The following CNTN1 variants were observed in gnomAD, a reference collection of about 807,000 sequenced individuals.
CNTN1 encodes contactin 1.
A neutral mutation model predicts 126.4 loss-of-function variants in CNTN1; 38 were observed. The observed-to-expected ratio is 0.30, with a 90% CI of 0.23 to 0.39. The LOEUF (loss-of-function observed/expected upper bound fraction) is 0.39, where lower values mean the gene tolerates loss of function less well. Ranked by LOEUF, CNTN1 falls within the 10% of genes least tolerant of loss-of-function variation. CNTN1 has a pLI of 1.00. For synonymous variants in CNTN1, 413 were observed against 422.6 expected (o/e 0.98, Z 0.28); for missense variants, 1,009 against 1,248.4 (o/e 0.81, Z 2.89).
Position 40,910,201 on chromosome 12 carries a change from C to A in CNTN1, c.94+96C>A, listed in dbSNP as rs1238348536. On this transcript the variant is annotated intron_variant, in intron 3 of 23. Transcript: ENST00000551295. The stretch of plus-strand genomic sequence containing the variant: ...ACTATTAACTCTCTAAACTTTAAGG[C>A]AAATGGTTAATGTTAGATCACTATG... 8 of 980,126 alleles carry A rather than the reference C, an allele frequency of 8.2e-6. 1 individual carries two copies. In the South Asian group the frequency reaches 9.5e-5, roughly 12 times the overall value. 60.7% of individuals were successfully genotyped at this position (980,126 alleles called of 1,614,324 possible).
At chr12:40,819,102 G>A (rs1941356433) in intron 1 of CNTN1, among the ~76,000 whole-genome samples, 1 of 152,190 alleles carries the variant, frequency 6.6e-6, no homozygotes, top group African/African-American at 2.4e-5. Context: ...GCTGATGTTA[G>A]TAGGATCGCT....
At chr12:40,840,461 T>C (rs560386535) in intron 1 of CNTN1, among the ~76,000 whole-genome samples, 2 of 152,084 alleles carry the variant, frequency 1.3e-5, no homozygotes, top group African/African-American at 4.8e-5. Context: ...CAAAGAAACA[T>C]TGGATTTAAA....
intron 15 of CNTN1, among the ~76,000 whole-genome samples, chr12:40,965,972 C>T (rs1402474334): frequency 1.3e-5 from 2 of 149,844 alleles, no homozygotes; most frequent in African/African-American, 2.5e-5. Flanking sequence ...GTTAAACAGG[C>T]GTGTAAGTAT....
At chr12:40,791,181 T>A (rs887257084) in intron 1 of CNTN1, among the ~76,000 whole-genome samples, 1 of 152,164 alleles carries the variant, frequency 6.6e-6, no homozygotes, top group African/African-American at 2.4e-5. Flanking sequence ...GTTCATCAAC[T>A]TTTTTTGTTT....
intron 1 of CNTN1, among the ~76,000 whole-genome samples, chr12:40,767,550 C>T (rs1473469781): frequency 2.0e-5 from 3 of 151,900 alleles, no homozygotes; most frequent in Non-Finnish European, 4.4e-5. Flanking sequence ...CCTCTTGATC[C>T]GCCCGCCTTG....
At chr12:41,025,369 A>G in intron 21 of CNTN1, 33 bp downstream of exon 21, 2 of 1,598,650 alleles carry the variant, frequency 1.3e-6, no homozygotes, top group Non-Finnish European at 1.7e-6. Context: ...AGACTTGTCA[A>G]AAACTACCAC....
intron 1 of CNTN1, among the ~76,000 whole-genome samples, chr12:40,870,812 T>C (rs1943461493): frequency 6.6e-6 from 1 of 152,134 alleles, no homozygotes; most frequent in Non-Finnish European, 1.5e-5. Flanking sequence ...CTTATTATCG[T>C]TGAGCTTGGC....
chr12:40,767,851 T>C (rs1353479876), intron 1 of CNTN1, among the ~76,000 whole-genome samples: 1 of 152,206 alleles, frequency 6.6e-6, no homozygotes, highest in Admixed American at 6.5e-5. Context: ...AGTGTTTTCC[T>C]TAAACAATTG....
At chr12:40,936,936 G>A (rs755620781) in intron 10 of CNTN1, 31 bp downstream of exon 10, 6 of 1,611,238 alleles carry the variant, frequency 3.7e-6, no homozygotes, top group Non-Finnish European at 5.1e-6. Context: ...TGCTGTTCCT[G>A]AGTCCCTGTT....
intron 1 of CNTN1, among the ~76,000 whole-genome samples, chr12:40,713,678 A>G (rs943164861): frequency 6.6e-6 from 1 of 152,070 alleles, no homozygotes; most frequent in African/African-American, 2.4e-5. Context: ...CTATCATGTT[A>G]AAAATATGCC....
chr12:40,830,434 A>T (rs1460228271), intron 1 of CNTN1, among the ~76,000 whole-genome samples: 1 of 151,930 alleles, frequency 6.6e-6, no homozygotes, highest in African/African-American at 2.4e-5. Context: ...AATATATATT[A>T]AAAAGGAAAC....
intron 20 of CNTN1, among the ~76,000 whole-genome samples, chr12:41,021,584 C>T (rs1019522493): frequency 1.3e-5 from 2 of 150,848 alleles, no homozygotes; most frequent in Non-Finnish European, 2.9e-5. Context: ...TGAGATGTAG[C>T]TGTAAAAGAA....
chr12:40,696,741 C>T (rs1941460926), intron 1 of CNTN1, among the ~76,000 whole-genome samples: 1 of 152,092 alleles, frequency 6.6e-6, no homozygotes, highest in Admixed American at 6.5e-5. Context: ...AAAAGTCTAT[C>T]TATTTAATAT....
intron 1 of CNTN1, among the ~76,000 whole-genome samples, chr12:40,833,099 A>G (rs889280393): frequency 1.8e-4 from 27 of 151,872 alleles, no homozygotes; most frequent in Admixed American, 1.1e-3. Flanking sequence ...TCTGTCGCCC[A>G]GGCTGGAGTC....
chr12:40,808,748 T>G (rs770295204), intron 1 of CNTN1, among the ~76,000 whole-genome samples: 3 of 152,294 alleles, frequency 2.0e-5, no homozygotes, highest in Non-Finnish European at 4.4e-5. Context: ...GATTGGGTTT[T>G]GACTCACAGC....
chr12:40,801,732 A>G (rs892511583), intron 1 of CNTN1, among the ~76,000 whole-genome samples: 29 of 151,864 alleles, frequency 1.9e-4, no homozygotes, highest in Admixed American at 7.9e-4. Context: ...TTTATGCCAT[A>G]TTGAAGATTT....
intron 23 of CNTN1, among the ~76,000 whole-genome samples, chr12:41,057,033 AT>A (rs1161710507): frequency 1.4e-5 from 1 of 69,432 alleles, no homozygotes; most frequent in Non-Finnish European, 2.9e-5. Flanking sequence ...ATTTATAAAT[AT>A]TATAAATATT....
chr12:40,942,192 A>T (rs1946284129), intron 12 of CNTN1, among the ~76,000 whole-genome samples: 1 of 152,226 alleles, frequency 6.6e-6, no homozygotes, highest in Admixed American at 6.6e-5. Context: ...TAGTGAGAAA[A>T]AGTGTGACCC....
chr12:40,957,144 T>C (rs1330622216), intron 14 of CNTN1, among the ~76,000 whole-genome samples: 3 of 151,696 alleles, frequency 2.0e-5, no homozygotes, highest in Non-Finnish European at 2.9e-5. Context: ...TGAGAATTGA[T>C]TGAAGAGTAA....
Sources: gnomAD v4.1 joint callset for allele counts (sites outside exome capture counted in the v4.1 genomes callset) on GRCh38, gnomAD v4.1.1 for gene constraint, MANE v1.5 for transcripts, NCBI Gene and HGNC (gene_info 2026-07-23, HGNC 2026-07-21) for gene names.